Variants in KLHDC4 observed in about 807,000 individuals in gnomAD.
KLHDC4 encodes the protein kelch domain-containing protein 4.
KLHDC4 carries 90 observed loss-of-function variants against 62.4 expected under a neutral mutation model. The observed-to-expected ratio is 1.44, with a 90% CI of 1.22 to 1.72. The LOEUF is 1.72. KLHDC4 is among the 40% of genes most tolerant of loss of function. The pLI, the probability that KLHDC4 is intolerant of heterozygous loss-of-function variation, is 0.00. For missense variants in KLHDC4, 1,025 were observed against 699.7 expected (o/e 1.47, Z -5.25); for synonymous variants, 386 against 284.4 (o/e 1.36, Z -3.59).
intron 5 of KLHDC4, among the ~76,000 whole-genome samples, chr16:87,745,809 G>A (rs1365546432): frequency 2.0e-5 from 3 of 152,286 alleles, no homozygotes; most frequent in Non-Finnish European, 2.9e-5. Context: ...AAAGGGACAC[G>A]GACATCAGCT....
chr16:87,759,379 T>C lies in KLHDC4; in HGVS notation c.191+2570A>G, dbSNP rs1284098075. The stretch of plus-strand genomic sequence containing the variant: ...GTTGCAGTGAGCTGAGATCGCGCCA[T>C]AGCACTCCAGCCTGGGCAACAAAAG... On this transcript the variant is annotated intron_variant, in intron 2 of 11. Coordinates refer to ENST00000270583, the MANE Select transcript of KLHDC4 (RefSeq NM_017566.4). Among the ~76,000 whole-genome samples, 10 of 150,400 alleles carry C rather than the reference T, an allele frequency of 6.6e-5. No homozygotes were observed. In the East Asian group the frequency reaches 7.8e-4, roughly 12 times the overall value.
At chr16:87,702,878 G>A (rs1046952464), downstream of KLHDC4, 16 of 152,672 alleles carry the variant, frequency 1.0e-4, no homozygotes, top group African/African-American at 3.9e-4. Context: ...GGTTTAAAAA[G>A]TTACCCTGAG....
Position 87,711,460 on chromosome 16 carries a change from AG to A in KLHDC4, c.836-18del, listed in dbSNP as rs754158387. 6.3e-7 allele frequency: 1 copy of A among 1,596,442 alleles called. No individual in the cohort carries two copies. Among genetic ancestry groups the A allele is most frequent in the Non-Finnish European group, 8.5e-7 (1 of 1,172,990 alleles). ...CCCACTTGTCTGTCAAAAGAGAACAAGGAAGTGGGATAAGAACACAAGGAAG... is the reference window on the plus strand; with the variant it reads ...CCCACTTGTCTGTCAAAAGAGAACAAGAAGTGGGATAAGAACACAAGGAAG... On this transcript the variant is annotated intron_variant, in intron 8 of 11. Transcript: ENST00000270583.
chr16:87,711,355 C>G lies in KLHDC4; in HGVS notation c.924G>C (p.Gln308His), dbSNP rs773057745. ...GFSVAMAPNH[Q>H]TLFFGGVCDE... ...CACAGACACCCCCGAAGAACAGTGTCTGGTGATTCGGGGCCATGGCCACGG... is the reference window on the plus strand; with the variant it reads ...CACAGACACCCCCGAAGAACAGTGTGTGGTGATTCGGGGCCATGGCCACGG... The change falls in exon 9 of 12, where the codon CAG becomes CAC. Residue 308 changes from glutamine (Q) to histidine (H), a missense_variant. By Grantham distance (24) the Gln-to-His change is conservative. Coordinates refer to ENST00000270583, the MANE Select transcript of KLHDC4 (RefSeq NM_017566.4). 7 of 1,613,956 alleles carry G rather than the reference C, an allele frequency of 4.3e-6. No individual in the cohort carries two copies. The highest frequency in any genetic ancestry group is 1.6e-4 in the Middle Eastern group (1 of 6,062).
intron 9 of KLHDC4, 138 bp downstream of exon 9, chr16:87,711,097 C>A: frequency 1.3e-6 from 1 of 751,938 alleles, no homozygotes; most frequent in Non-Finnish European, 2.2e-6. Context: ...CAGTCAGAGA[C>A]GGAACCCTCG....
intron 9 of KLHDC4, chr16:87,710,640 G>C (rs1424339558): frequency 6.5e-6 from 1 of 153,022 alleles, no homozygotes; most frequent in East Asian, 1.9e-4. Context: ...TGTGGGTCCA[G>C]AAACGAACCC....
At chr16:87,714,388 GCAGGGTGCA>G in intron 8 of KLHDC4, 101 bp downstream of exon 8, 2 of 1,249,738 alleles carry the variant, frequency 1.6e-6, no homozygotes, top group Non-Finnish European at 2.1e-6. Context: ...TCCGCTCCGG[GCAGGGTGCA>G]GGGGCTCACC....
chr16:87,744,663 G>C (rs530329076), intron 5 of KLHDC4, among the ~76,000 whole-genome samples: 5 of 151,248 alleles, frequency 3.3e-5, no homozygotes, highest in Admixed American at 6.6e-5. Context: ...AAGACTTTAA[G>C]TAAATGAGAA....
At chr16:87,735,371 G>C (rs529264717) in intron 5 of KLHDC4, among the ~76,000 whole-genome samples, 1 of 151,326 alleles carries the variant, frequency 6.6e-6, no homozygotes, top group African/African-American at 2.4e-5. Flanking sequence ...AAAAATGACA[G>C]AGGAGAACCG....
chr16:87,698,216 G>C (rs1195873201), exon 1 of KLHDC4: 1 of 152,410 alleles, frequency 6.6e-6, no homozygotes, highest in Non-Finnish European at 1.5e-5. Flanking sequence ...CGCCTGGTCT[G>C]GTGGGGGCAT....
intron 2 of KLHDC4, among the ~76,000 whole-genome samples, chr16:87,759,820 G>C (rs989174734): frequency 1.3e-5 from 2 of 152,014 alleles, no homozygotes; most frequent in Non-Finnish European, 1.5e-5. Context: ...ATTTTCTGCA[G>C]AAAAGCACCA....
At chr16:87,764,830 CAAAAAAAA>C (rs35356541) in intron 1 of KLHDC4, among the ~76,000 whole-genome samples, 2 of 80,506 alleles carry the variant, frequency 2.5e-5, no homozygotes, top group Non-Finnish European at 5.1e-5. Flanking sequence ...AAGACTCTGT[CAAAAAAAA>C]AAAAAAAAAA....
At chr16:87,761,382 T>G (rs1176146054) in intron 2 of KLHDC4, among the ~76,000 whole-genome samples, 2 of 152,204 alleles carry the variant, frequency 1.3e-5, no homozygotes, top group African/African-American at 4.8e-5. Flanking sequence ...TGCAGCAGCT[T>G]TATTAAAAGG....
chr16:87,705,377 T>C (rs1000090459), downstream of KLHDC4, among the ~76,000 whole-genome samples: 2 of 152,250 alleles, frequency 1.3e-5, no homozygotes, highest in Non-Finnish European at 2.9e-5. Flanking sequence ...CTCCCACGGT[T>C]CCACACTGAA....
intron 5 of KLHDC4, among the ~76,000 whole-genome samples, chr16:87,732,043 G>T (rs969009942): frequency 2.0e-5 from 3 of 152,022 alleles, no homozygotes; most frequent in Non-Finnish European, 4.4e-5. Flanking sequence ...GCTCTCTGGG[G>T]TGACAAGGGC....
chr16:87,709,062 A>G (rs1465128313), intron 10 of KLHDC4, among the ~76,000 whole-genome samples: 7 of 152,248 alleles, frequency 4.6e-5, no homozygotes, highest in African/African-American at 9.6e-5. Flanking sequence ...CCCGGGACAA[A>G]GGACAGACGT....
At chr16:87,745,371 G>A (rs1036451061) in intron 5 of KLHDC4, among the ~76,000 whole-genome samples, 8 of 151,974 alleles carry the variant, frequency 5.3e-5, no homozygotes, top group South Asian at 2.1e-4. Flanking sequence ...CCCAGGGCCC[G>A]CCCTGTGGTG....
At chr16:87,748,934 A>G (rs1213985517) in intron 4 of KLHDC4, 125 bp from the exon 5 acceptor site, 2 of 1,067,474 alleles carry the variant, frequency 1.9e-6, no homozygotes, top group East Asian at 5.6e-5. Flanking sequence ...CCAGCCCCAC[A>G]CTCAGCCACT....
Position 87,726,890 on chromosome 16 carries a change from T to C in KLHDC4, c.634A>G (p.Asn212Asp), listed in dbSNP as rs2039460820. The C allele has an allele frequency of 1.2e-6, 2 of 1,613,982 alleles. No individual in the cohort carries two copies. The highest frequency in any genetic ancestry group is 1.7e-6 in the Non-Finnish European group (2 of 1,179,962). ...YIYYNDVYAF[N>D]LDTFTWSKLS... ...TTGCTCCATGTGAAGGTGTCCAGATTAAAGGCATACACGTCGTTGTAGTAG... is the reference window on the plus strand; with the variant it reads ...TTGCTCCATGTGAAGGTGTCCAGATCAAAGGCATACACGTCGTTGTAGTAG... Residue 212 changes from asparagine to aspartate, a missense_variant, in exon 7 of 12, where the codon AAT becomes GAT. By Grantham distance (23) the Asn-to-Asp change is conservative. Transcript: ENST00000270583.
Sources: gnomAD v4.1 joint callset for allele counts (sites outside exome capture counted in the v4.1 genomes callset) on GRCh38, gnomAD v4.1.1 for gene constraint, MANE v1.5 for transcripts, NCBI Gene and HGNC (gene_info 2026-07-23, HGNC 2026-07-21) for gene names.